Variants in SORCS1 observed in about 807,000 individuals in gnomAD.
SORCS1 encodes sortilin related VPS10 domain containing receptor 1.
A neutral mutation model predicts 146.1 loss-of-function variants in SORCS1; 60 were observed. The observed-to-expected ratio is 0.41, with a 90% CI of 0.33 to 0.51. The LOEUF is 0.51. Ranked by LOEUF, SORCS1 falls within the 20% of genes least tolerant of loss-of-function variation. The pLI, the probability that SORCS1 is intolerant of heterozygous loss-of-function variation, is 0.21. For missense variants in SORCS1, 1,352 were observed against 1,487.6 expected (o/e 0.91, Z 1.50); for synonymous variants, 637 against 584.0 (o/e 1.09, Z -1.31).
intron 5 of SORCS1, among the ~76,000 whole-genome samples, chr10:106,739,346 G>A (rs577312228): frequency 4.6e-5 from 7 of 152,060 alleles, no homozygotes; most frequent in South Asian, 4.2e-4. Context: ...TTATCCTGGC[G>A]TGGTGGCACA....
intron 3 of SORCS1, among the ~76,000 whole-genome samples, chr10:106,801,758 C>T (rs1396171957): frequency 6.6e-6 from 1 of 152,134 alleles, no homozygotes; most frequent in East Asian, 1.9e-4. Flanking sequence ...TCTCGATCTC[C>T]TGACCTTGTG....
At chr10:106,726,580 C>T (rs1406996130) in intron 6 of SORCS1, among the ~76,000 whole-genome samples, 1 of 151,830 alleles carries the variant, frequency 6.6e-6, no homozygotes, top group Non-Finnish European at 1.5e-5. Flanking sequence ...CATTGGATGC[C>T]ACAAGCCAGA....
rs544584412 is a variant in SORCS1 at position 107,162,265 on chromosome 10, T to C, written c.558+1704A>G. On this transcript the variant is annotated intron_variant, in intron 1 of 25. Coordinates refer to ENST00000263054, the MANE Select transcript of SORCS1 (RefSeq NM_052918.5). ...CATTAAAAGCCAGAAACATTCTGAG[T>C]CCAAAGTCTTTTACTTCTTAATACA... Among the ~76,000 whole-genome samples the C allele has an allele frequency of 1.8e-4, 27 of 152,300 alleles. 1 individual carries two copies. In the South Asian group the frequency reaches 5.6e-3, roughly 32 times the overall value.
At chr10:106,629,490 A>AC (rs1848307636) in intron 18 of SORCS1, 102 bp from the exon 19 acceptor site, 11 of 1,186,608 alleles carry the variant, frequency 9.3e-6, no homozygotes, top group Middle Eastern at 5.3e-4. Context: ...CTCAGGCATG[A>AC]TGGCAGCCCT....
chr10:106,973,940 C>A (rs1012842729), intron 1 of SORCS1, among the ~76,000 whole-genome samples: 2 of 152,084 alleles, frequency 1.3e-5, no homozygotes, highest in African/African-American at 2.4e-5. Flanking sequence ...GGGAGGCAGG[C>A]ACAATAAAGA....
chr10:106,588,536 G>T (rs377139159), intron 24 of SORCS1, among the ~76,000 whole-genome samples: 7 of 151,998 alleles, frequency 4.6e-5, no homozygotes, highest in Non-Finnish European at 8.8e-5. Flanking sequence ...GGCCACCGTC[G>T]TAAGCATCAT....
At chr10:106,597,256 T>C (rs1845958841) in intron 24 of SORCS1, 95 bp downstream of exon 24, 1 of 954,892 alleles carries the variant, frequency 1.0e-6, no homozygotes, top group Admixed American at 2.0e-5. Context: ...CTGATTAGCA[T>C]TGTTACCATC....
In SORCS1 at chr10:106,812,640, G is replaced by T. The variant is rs192445023; in HGVS notation, c.726+16934C>A. On this transcript the variant is annotated intron_variant, in intron 3 of 25. Transcript: ENST00000263054. ...GTGTCTGTCACTGAAAAAGTGGGGG[G>T]AGAGTTATTCACTAGGATCCATGTG... Among the ~76,000 whole-genome samples, 464 of 152,224 alleles carry T rather than the reference G, an allele frequency of 3.0e-3. 2 individuals carry two copies. Among genetic ancestry groups the T allele is most frequent in the African/African-American group, 0.01 (433 of 41,546 alleles).
chr10:106,967,971 G>T (rs901733612), intron 1 of SORCS1, among the ~76,000 whole-genome samples: 8 of 151,588 alleles, frequency 5.3e-5, no homozygotes, highest in African/African-American at 1.9e-4. Context: ...TTGGGAGGCC[G>T]AGGCAGGCGG....
At position 106,825,419 on chromosome 10, in the gene SORCS1, C is replaced by T. The variant is rs185436415; in HGVS notation, c.726+4155G>A. On this transcript the variant is annotated intron_variant, in intron 3 of 25. Coordinates refer to ENST00000263054, the MANE Select transcript of SORCS1 (RefSeq NM_052918.5). ...CCTGAGTAGCTGGGACTACAGGCAC[C>T]CGCCACCACGCCTGGCTAATTATTT... Among the ~76,000 whole-genome samples the T allele has an allele frequency of 1.2e-3, 178 of 151,858 alleles. 5 individuals carry two copies. In the East Asian group the frequency reaches 0.031, roughly 26 times the overall value.
intron 3 of SORCS1, among the ~76,000 whole-genome samples, chr10:106,783,893 C>A (rs559723568): frequency 6.6e-6 from 1 of 152,044 alleles, no homozygotes; most frequent in Non-Finnish European, 1.5e-5. Flanking sequence ...TTCCCACATG[C>A]TAGTTCGCAA....
chr10:106,990,521 C>T (rs187161543), intron 1 of SORCS1, among the ~76,000 whole-genome samples: 3 of 152,276 alleles, frequency 2.0e-5, no homozygotes, highest in East Asian at 3.9e-4. Flanking sequence ...CTGCCTGCCT[C>T]AGCCTCCCAA....
At chr10:106,878,625 T>TAG (rs1950687207) in intron 2 of SORCS1, among the ~76,000 whole-genome samples, 1 of 127,164 alleles carries the variant, frequency 7.9e-6, no homozygotes, top group South Asian at 2.6e-4. Context: ...ACCTAGTATA[T>TAG]ATATATATAT....
intron 1 of SORCS1, among the ~76,000 whole-genome samples, chr10:107,141,482 G>T (rs1046742716): frequency 6.6e-6 from 1 of 152,106 alleles, no homozygotes; most frequent in African/African-American, 2.4e-5. Context: ...AAAGGTAGTA[G>T]TTATGTAACA....
chr10:106,894,598 A>G (rs2418828), intron 2 of SORCS1, among the ~76,000 whole-genome samples: 72,145 of 151,900 alleles, frequency 0.47, 17,793 homozygotes, highest in African/African-American at 0.61. Context: ...ATAAACTCGC[A>G]TAGCCAATGA....
rs189892555 is a variant in SORCS1 at position 106,825,551 on chromosome 10, C to T, written c.726+4023G>A. Among the ~76,000 whole-genome samples the T allele has an allele frequency of 4.9e-3, 739 of 152,056 alleles. 8 individuals carry two copies. Among genetic ancestry groups the T allele is most frequent in the African/African-American group, 0.017 (708 of 41,478 alleles). On this transcript the variant is annotated intron_variant, in intron 3 of 25. Transcript: ENST00000263054. ...CCTCCCATAGTGCTGGGATTACAGG[C>T]GTGAGCCACTGCGCCCAGCCAAGTT...
intron 2 of SORCS1, among the ~76,000 whole-genome samples, chr10:106,942,495 T>C (rs778725521): frequency 2.0e-5 from 3 of 152,208 alleles, no homozygotes; most frequent in Non-Finnish European, 4.4e-5. Context: ...CTCAGCATTA[T>C]TCAGCACAGT....
intron 20 of SORCS1, among the ~76,000 whole-genome samples, chr10:106,619,855 A>C (rs1221229659): frequency 6.6e-6 from 1 of 152,220 alleles, no homozygotes; most frequent in Non-Finnish European, 1.5e-5. Context: ...ATTTGGAAAA[A>C]CATATAAAAG....
chr10:106,851,539 T>C (rs937349719), intron 2 of SORCS1, among the ~76,000 whole-genome samples: 1 of 152,234 alleles, frequency 6.6e-6, no homozygotes, highest in Non-Finnish European at 1.5e-5. Flanking sequence ...GTCTGGGCTC[T>C]CTACTCTGTT....
Sources: allele counts gnomAD v4.1 joint callset (sites outside exome capture counted in the v4.1 genomes callset), GRCh38; gene constraint gnomAD v4.1.1; transcripts MANE v1.5; gene names NCBI Gene and HGNC (gene_info 2026-07-23, HGNC 2026-07-21).